The following FAM227B variants were observed in gnomAD, a reference collection of about 807,000 sequenced individuals.
FAM227B encodes protein FAM227B.
In FAM227B, 88 loss-of-function variants were observed where a neutral mutation model predicts 73.8. The observed-to-expected ratio is 1.19, with a 90% CI of 1.00 to 1.42. The LOEUF (loss-of-function observed/expected upper bound fraction) is 1.42, where lower values mean the gene tolerates loss of function less well. Among genes scored for constraint, FAM227B ranks in the 40% most tolerant of loss-of-function variants. The pLI is 0.00. For synonymous variants in FAM227B, 210 were observed against 190.5 expected, an observed-to-expected ratio of 1.10 and a Z score of -0.84; for missense variants, 632 against 590.9, an observed-to-expected ratio of 1.07 and a Z score of -0.72.
intron 9 of FAM227B, among the ~76,000 whole-genome samples, chr15:49,551,198 G>T (rs1016898914): frequency 5.9e-5 from 9 of 152,216 alleles, no homozygotes; most frequent in Non-Finnish European, 1.0e-4. Context: ...AGGAGAATCA[G>T]GCAGGGAGGT....
intron 9 of FAM227B, among the ~76,000 whole-genome samples, chr15:49,544,345 T>C (rs1048720056): frequency 6.6e-6 from 1 of 152,202 alleles, no homozygotes; most frequent in Admixed American, 6.5e-5. Flanking sequence ...CTTATTTGTG[T>C]ACACTGATTT....
At chr15:49,457,305 A>G (rs566493904) in intron 11 of FAM227B, among the ~76,000 whole-genome samples, 1 of 152,138 alleles carries the variant, frequency 6.6e-6, no homozygotes, top group Non-Finnish European at 1.5e-5. Flanking sequence ...ATGGAAAAAA[A>G]TCAAATCAGC....
intron 10 of FAM227B, among the ~76,000 whole-genome samples, chr15:49,510,842 G>A (rs74012395): frequency 0.015 from 2,242 of 152,056 alleles, 72 homozygotes; most frequent in African/African-American, 0.052. Flanking sequence ...AGGGTCCTAG[G>A]TTATAAATAA....
chr15:49,573,517 T>C (rs989481990), intron 8 of FAM227B, among the ~76,000 whole-genome samples: 2 of 152,148 alleles, frequency 1.3e-5, no homozygotes, highest in African/African-American at 4.8e-5. Context: ...CTTGGGGACA[T>C]TACCCTCATG....
At chr15:49,514,795 C>T (rs1372975112) in intron 10 of FAM227B, among the ~76,000 whole-genome samples, 1 of 152,038 alleles carries the variant, frequency 6.6e-6, no homozygotes, top group Non-Finnish European at 1.5e-5. Flanking sequence ...CTTTTATGCA[C>T]TATGCTTTTG....
At chr15:49,608,148 A>C (rs2077643699) in intron 3 of FAM227B, among the ~76,000 whole-genome samples, 1 of 152,170 alleles carries the variant, frequency 6.6e-6, no homozygotes, top group South Asian at 2.1e-4. Context: ...CCAAAAGAAC[A>C]AAAGAATTGG....
intron 11 of FAM227B, among the ~76,000 whole-genome samples, chr15:49,439,695 C>T (rs1319994746): frequency 6.6e-6 from 1 of 151,714 alleles, no homozygotes; most frequent in Non-Finnish European, 1.5e-5. Flanking sequence ...GTTAGGGTCT[C>T]CTCAGGAGGA....
At chr15:49,409,987 C>G (rs967572311) in intron 11 of FAM227B, among the ~76,000 whole-genome samples, 1 of 152,110 alleles carries the variant, frequency 6.6e-6, no homozygotes, top group African/African-American at 2.4e-5. Context: ...CATTCAGGCT[C>G]TAGTATTTCC....
chr15:49,535,151 A>G (rs751684071), intron 10 of FAM227B, among the ~76,000 whole-genome samples: 4 of 151,760 alleles, frequency 2.6e-5, no homozygotes, highest in African/African-American at 4.8e-5. Flanking sequence ...CTAAGAGTTC[A>G]TTTTTTGAGG....
At chr15:49,612,016 A>G (rs903949997) in intron 2 of FAM227B, among the ~76,000 whole-genome samples, 2 of 151,346 alleles carry the variant, frequency 1.3e-5, no homozygotes, top group African/African-American at 4.9e-5. Context: ...ACTATGGTGC[A>G]ATCATGGCTG....
At chr15:49,607,243 C>T (rs2077578310) in intron 3 of FAM227B, among the ~76,000 whole-genome samples, 1 of 152,090 alleles carries the variant, frequency 6.6e-6, no homozygotes, top group South Asian at 2.1e-4. Flanking sequence ...AAAAAGGTCC[C>T]CCTGTCATTT....
intron 11 of FAM227B, among the ~76,000 whole-genome samples, chr15:49,475,186 A>C (rs1406647469): frequency 6.6e-6 from 1 of 152,214 alleles, no homozygotes; most frequent in Non-Finnish European, 1.5e-5. Flanking sequence ...GAATAGAACA[A>C]GGAGTGTGAA....
At chr15:49,512,374 G>A (rs933213998) in intron 10 of FAM227B, among the ~76,000 whole-genome samples, 14 of 151,716 alleles carry the variant, frequency 9.2e-5, no homozygotes, top group East Asian at 5.8e-4. Flanking sequence ...TATTTAAATC[G>A]TTTATACCTG....
intron 9 of FAM227B, among the ~76,000 whole-genome samples, chr15:49,551,990 G>C (rs1345958414): frequency 6.6e-6 from 1 of 152,042 alleles, no homozygotes; most frequent in Non-Finnish European, 1.5e-5. Flanking sequence ...CCTTTATTTA[G>C]TCTTTCTACT....
At chr15:49,521,201 A>G (rs991059641) in intron 10 of FAM227B, among the ~76,000 whole-genome samples, 1 of 152,148 alleles carries the variant, frequency 6.6e-6, no homozygotes, top group Non-Finnish European at 1.5e-5. Context: ...TCATCTGGAA[A>G]CATGCTCTGG....
At chr15:49,522,616 C>A (rs2059867806) in intron 10 of FAM227B, among the ~76,000 whole-genome samples, 1 of 151,956 alleles carries the variant, frequency 6.6e-6, no homozygotes, top group Non-Finnish European at 1.5e-5. Context: ...AAATAAAAAA[C>A]TCTCTGAAAG....
chr15:49,501,163 CT>C (rs1227188319), intron 11 of FAM227B, among the ~76,000 whole-genome samples: 1 of 152,126 alleles, frequency 6.6e-6, no homozygotes, highest in Non-Finnish European at 1.5e-5. Context: ...ATAAAGATAC[CT>C]GAAAATGCAG....
intron 10 of FAM227B, among the ~76,000 whole-genome samples, chr15:49,521,643 C>A (rs1270647003): frequency 1.3e-5 from 2 of 152,136 alleles, no homozygotes; most frequent in African/African-American, 2.4e-5. Context: ...GAGTGCAGAC[C>A]AGCTGCAGAG....
At chr15:49,594,612 A>G (rs2076786485) in intron 3 of FAM227B, among the ~76,000 whole-genome samples, 1 of 152,154 alleles carries the variant, frequency 6.6e-6, no homozygotes, top group Non-Finnish European at 1.5e-5. Context: ...ATGGTGAGAC[A>G]TGAGGATCCA....
Sources: gnomAD v4.1 joint callset for allele counts (sites outside exome capture counted in the v4.1 genomes callset) on GRCh38, gnomAD v4.1.1 for gene constraint, MANE v1.5 for transcripts, NCBI Gene and HGNC (gene_info 2026-07-23, HGNC 2026-07-21) for gene names.